Variants in MYL4 observed in about 807,000 individuals in gnomAD.
The protein encoded by MYL4 is myosin light chain 4, also known as atrial myosin light chain 1.
A neutral mutation model predicts 21.6 loss-of-function variants in MYL4; 16 were observed. That is an observed-to-expected ratio of 0.74 (90% confidence interval 0.50 to 1.12). MYL4 has a LOEUF of 1.12. Among genes scored for constraint, MYL4 ranks in the 50% most tolerant of loss-of-function variants. The pLI is 0.00. For synonymous variants in MYL4, 82 were observed against 95.7 expected (o/e 0.86, Z 0.83); for missense variants, 249 against 252.9 (o/e 0.98, Z 0.11).
At chr17:47,190,632 A>G in the MYL4 span, among the ~76,000 whole-genome samples, 1 of 152,158 alleles carries the variant, frequency 6.6e-6, no homozygotes, top group Non-Finnish European at 1.5e-5. Context: ...TTGTCACTGT[A>G]TATATACTTA....
chr17:47,223,176 G>A, intron 6 of MYL4, 119 bp downstream of exon 6: 1 of 1,044,276 alleles, frequency 9.6e-7, no homozygotes, highest in South Asian at 1.5e-5. Context: ...AACCTCTTGG[G>A]ATCAGGAAGT....
At chr17:47,224,114 G>A (rs2064876615), downstream of MYL4, among the ~76,000 whole-genome samples, 1 of 152,224 alleles carries the variant, frequency 6.6e-6, no homozygotes, top group South Asian at 2.1e-4. Flanking sequence ...TCAGTAGAGT[G>A]AGGTATATTC....
chr17:47,204,761 G>A (rs2064721560), upstream of MYL4, among the ~76,000 whole-genome samples: 1 of 150,964 alleles, frequency 6.6e-6, no homozygotes, highest in African/African-American at 2.4e-5. Context: ...AACTAACTAA[G>A]CCAGGACTCT....
chr17:47,197,092 GTTTTTTTTTTTT>G (rs71365051), upstream of MYL4, among the ~76,000 whole-genome samples: 45,891 of 115,208 alleles, frequency 0.4, 8,049 homozygotes, highest in Admixed American at 0.5. Flanking sequence ...TCCTTAAAGG[GTTTTTTTTTTTT>G]TTTTTTTTTT....
intron 2 of MYL4, chr17:47,214,061 A>G (rs2064796640): frequency 1.9e-6 from 1 of 539,042 alleles, no homozygotes; most frequent in Admixed American, 3.0e-5. Context: ...TACCTCCCCC[A>G]TTTTACAAGT....
At chr17:47,197,540 A>G (rs1425050415), upstream of MYL4, among the ~76,000 whole-genome samples, 1 of 152,226 alleles carries the variant, frequency 6.6e-6, no homozygotes, top group Non-Finnish European at 1.5e-5. Context: ...GCACAGGGAA[A>G]TAAACTACAG....
chr17:47,222,983 A>G (rs1459687532), intron 5 of MYL4, 31 bp from the exon 6 acceptor site: 3 of 1,614,158 alleles, frequency 1.9e-6, no homozygotes, highest in Non-Finnish European at 2.5e-6. Context: ...GCGCTGAGCC[A>G]CATGGTGGCT....
chr17:47,225,107 A>G (rs1425565529), downstream of MYL4, among the ~76,000 whole-genome samples: 1 of 152,214 alleles, frequency 6.6e-6, no homozygotes, highest in African/African-American at 2.4e-5. Context: ...TTGCCTAACT[A>G]TCAATCATCC....
chr17:47,199,898 G>T (rs1371184455), upstream of MYL4, among the ~76,000 whole-genome samples: 1 of 150,922 alleles, frequency 6.6e-6, no homozygotes, highest in Non-Finnish European at 1.5e-5. Context: ...ACCATACCTG[G>T]CTAATTTTTG....
At chr17:47,222,298 A>G in intron 4 of MYL4, 82 bp from the exon 5 acceptor site, 1 of 1,343,062 alleles carries the variant, frequency 7.4e-7, no homozygotes, top group Non-Finnish European at 1.1e-6. Context: ...GGACCTTCAC[A>G]CTTAAGGGGG....
At chr17:47,225,343 C>T (rs549056359), downstream of MYL4, among the ~76,000 whole-genome samples, 6 of 152,326 alleles carry the variant, frequency 3.9e-5, no homozygotes, top group South Asian at 2.1e-4. Context: ...GATCTTTATA[C>T]GGTTGAGCAG....
downstream of MYL4, among the ~76,000 whole-genome samples, chr17:47,226,435 G>C (rs1302597477): frequency 6.6e-6 from 1 of 152,216 alleles, no homozygotes; most frequent in Non-Finnish European, 1.5e-5. Context: ...TGCCCATTGG[G>C]TACCTGCTGT....
At chr17:47,215,006 T>C (rs1265364286) in intron 2 of MYL4, among the ~76,000 whole-genome samples, 1 of 152,202 alleles carries the variant, frequency 6.6e-6, no homozygotes, top group African/African-American at 2.4e-5. Context: ...TCAGCTTTCT[T>C]TCGCCTGTGG....
chr17:47,212,758 G>T (rs1021382574), intron 1 of MYL4, among the ~76,000 whole-genome samples: 5 of 152,224 alleles, frequency 3.3e-5, no homozygotes, highest in African/African-American at 1.2e-4. Context: ...GGCTGAAACT[G>T]TCATGTTTGG....
rs200874260 is a variant in MYL4, at chr17:47,216,695, C to CTTTTTTTTTTTTTTTTTTTTTTT, written c.163+2872_163+2873insTTTTTTTTTTTTTTTTTTTTTTT. Among the ~76,000 whole-genome samples the CTTTTTTTTTTTTTTTTTTTTTTT allele has an allele frequency of 1.4e-5, 2 of 141,868 alleles. 1 individual carries two copies. Among genetic ancestry groups the CTTTTTTTTTTTTTTTTTTTTTTT allele is most frequent in the African/African-American group, 5.2e-5 (2 of 38,156 alleles). 93.1% of individuals were successfully genotyped at this position (141,868 alleles called of 152,430 possible). On this transcript the variant is annotated intron_variant, in intron 2 of 6. Transcript: ENST00000393450. ...ATCATGACATCTTTTTTTTCTTTTT[C>CTTTTTTTTTTTTTTTTTTTTTTT]TTTCTTTTTTTTTTTTGAGACAGAG...
chr17:47,199,438 G>C (rs2149037459), upstream of MYL4, among the ~76,000 whole-genome samples: 1 of 152,044 alleles, frequency 6.6e-6, no homozygotes, highest in Non-Finnish European at 1.5e-5. Flanking sequence ...CTCCCGCCTT[G>C]GCCTCCCAAA....
chr17:47,213,973 G>A, intron 2 of MYL4, 147 bp downstream of exon 2: 1 of 942,710 alleles, frequency 1.1e-6, no homozygotes, highest in East Asian at 2.4e-5. Context: ...CATCTACCAT[G>A]TGTCAGGCAT....
intron 3 of MYL4, 151 bp downstream of exon 3, chr17:47,220,204 C>G: frequency 1.0e-6 from 1 of 966,032 alleles, no homozygotes; most frequent in Non-Finnish European, 1.5e-6. Flanking sequence ...TACCCTAGTC[C>G]CATTTTGAGA....
intron 2 of MYL4, among the ~76,000 whole-genome samples, chr17:47,215,772 A>ATTTAT (rs1442146507): frequency 6.6e-6 from 1 of 152,048 alleles, no homozygotes; most frequent in Non-Finnish European, 1.5e-5. Flanking sequence ...ATATGCCTCA[A>ATTTAT]TTTATTTTAT....
Sources: gnomAD v4.1 joint callset for allele counts (sites outside exome capture counted in the v4.1 genomes callset) on GRCh38, gnomAD v4.1.1 for gene constraint, MANE v1.5 for transcripts, NCBI Gene and HGNC (gene_info 2026-07-23, HGNC 2026-07-21) for gene names.